The following ARF4 variants were observed in gnomAD, a reference collection of about 807,000 sequenced individuals.
The protein encoded by ARF4 is ARF GTPase 4, also known as ADP-ribosylation factor 4.
Under a neutral mutation model 24.3 loss-of-function variants are expected in ARF4, and 5 were observed. That is an observed-to-expected ratio of 0.21 (90% CI 0.11 to 0.43). ARF4 has a LOEUF of 0.43. Ranked by LOEUF, ARF4 falls within the 20% of genes least tolerant of loss-of-function variation. The pLI, the probability that ARF4 is intolerant of heterozygous loss-of-function variation, is 1.00. For missense variants in ARF4, 107 were observed against 213.0 expected, an observed-to-expected ratio of 0.50 and a Z score of 3.10; for synonymous variants, 62 against 73.5, an observed-to-expected ratio of 0.84 and a Z score of 0.80.
intron 1 of ARF4, among the ~76,000 whole-genome samples, chr3:57,595,988 C>T (rs926144488): frequency 6.6e-6 from 1 of 151,850 alleles, no homozygotes; most frequent in Non-Finnish European, 1.5e-5. Flanking sequence ...AAAACCTCCT[C>T]CGGTAGAAAA....
In ARF4 at chr3:57,596,666, C is replaced by T. The variant is rs2070188964; in HGVS notation, c.67+408G>A. On this transcript the variant is annotated intron_variant, in intron 1 of 5. Transcript: ENST00000303436. Reference sequence around the variant, plus strand: ...GAAACGCAGAAGGGGAGGGAAAAGGCTGGAGTTGCTCTGCCTCCCTCCTGA... The same window carrying T: ...GAAACGCAGAAGGGGAGGGAAAAGGTTGGAGTTGCTCTGCCTCCCTCCTGA... The T allele has an allele frequency of 3.7e-5, 7 of 190,108 alleles. No individual in the cohort carries two copies. In the South Asian group the frequency reaches 4.7e-4, roughly 13 times the overall value. 11.8% of individuals were successfully genotyped at this position (190,108 alleles called of 1,614,324 possible). A position where few individuals can be genotyped will look rare whatever the true frequency, so the allele number is the denominator to read the frequency against.
intron 1 of ARF4, among the ~76,000 whole-genome samples, chr3:57,596,196 C>A (rs2070180460): frequency 6.6e-6 from 1 of 152,086 alleles, no homozygotes; most frequent in Non-Finnish European, 1.5e-5. Context: ...AAAAAGTCAA[C>A]TTTCTAAAAA....
At chr3:57,596,771 T>C (rs901662552) in intron 1 of ARF4, 4 of 319,212 alleles carry the variant, frequency 1.3e-5, no homozygotes, top group South Asian at 7.4e-5. Context: ...TTCCCAGAGT[T>C]GGCTTTCCCC....
chr3:57,573,555 G>C (rs925863575), intron 5 of ARF4, among the ~76,000 whole-genome samples: 2 of 152,154 alleles, frequency 1.3e-5, no homozygotes, highest in African/African-American at 2.4e-5. Flanking sequence ...ATCATTTACA[G>C]TTAGTGTTGC....
Position 57,597,270 on chromosome 3 carries a change from GA to G in ARF4, c.-131del. 2 of 887,892 alleles carry G rather than the reference GA, an allele frequency of 2.3e-6. No homozygotes were observed. Among genetic ancestry groups the G allele is most frequent in the Non-Finnish European group, 3.5e-6 (2 of 565,590 alleles). 55.0% of individuals were successfully genotyped at this position (887,892 alleles called of 1,614,324 possible). On this transcript the variant is annotated 5_prime_UTR_variant, in exon 1 of 6. Transcript: ENST00000303436. ...GAGCGGAGGAAGAAAGAGGGAGGCA[GA>G]AACGTCTCAGTGGCCCCTGTGCCGA...
chr3:57,575,761 A>C, intron 4 of ARF4, 88 bp from the exon 5 acceptor site: 2 of 1,354,824 alleles, frequency 1.5e-6, no homozygotes, highest in Non-Finnish European at 2.0e-6. Flanking sequence ...CTCAGCATTA[A>C]ATACATTATT....
At position 57,583,946 on chromosome 3, in the gene ARF4, A is replaced by T; in HGVS notation, c.210T>A (p.Gly70=). Residue 70 remains glycine (G), a synonymous_variant, in exon 3 of 6, where the codon GGT becomes GGA. Transcript: ENST00000303436. ...NICFTVWDVG[G]QDRIRPLWKH... ...TCCAGAGAGGCCTAATTCTATCTTG[A>T]CCACCAACATCCCATACTGTGAAAC... 1 of 1,612,620 alleles carries T rather than the reference A, an allele frequency of 6.2e-7. No individual in the cohort carries two copies. The highest frequency in any genetic ancestry group is 8.5e-7 in the Non-Finnish European group (1 of 1,179,052).
At chr3:57,588,515 C>G (rs2070065597) in intron 1 of ARF4, among the ~76,000 whole-genome samples, 1 of 151,576 alleles carries the variant, frequency 6.6e-6, no homozygotes, top group South Asian at 2.1e-4. Flanking sequence ...TGTGACCAGC[C>G]TGGACAACAT....
chr3:57,578,438 C>T (rs1447371665), intron 3 of ARF4, among the ~76,000 whole-genome samples: 1 of 129,468 alleles, frequency 7.7e-6, no homozygotes, highest in Non-Finnish European at 1.8e-5. Flanking sequence ...TCGAGTAAGA[C>T]ATTCTTTAAA....
At chr3:57,594,704 C>T (rs1308706777) in intron 1 of ARF4, among the ~76,000 whole-genome samples, 1 of 152,176 alleles carries the variant, frequency 6.6e-6, no homozygotes, top group Non-Finnish European at 1.5e-5. Context: ...AACACTGACT[C>T]AGGAGGGCAT....
Position 57,597,092 on chromosome 3 carries a change from G to C in ARF4, c.49C>G (p.Gln17Glu). 1 of 1,614,134 alleles carries C rather than the reference G, an allele frequency of 6.2e-7. No homozygotes were observed. The highest frequency in any genetic ancestry group is 8.5e-7 in the Non-Finnish European group (1 of 1,179,982). Residue 17 changes from glutamine (Q) to glutamate (E), a missense_variant, in exon 1 of 6, where the codon CAG becomes GAG. Transcript: ENST00000303436. The stretch of plus-strand genomic sequence containing the variant: ...CACTCACCCATCAAAATGCGCATCT[G>C]CTTCTTGCCAAATAGTCGGGAGAAG... The part of the protein sequence containing the change: ...SLFSRLFGKK[Q>E]MRILMVGLDA...
rs75269486 is a variant in ARF4 at position 57,587,644 on chromosome 3, G to A, written c.68-3180C>T. On this transcript the variant is annotated intron_variant, in intron 1 of 5. Transcript: ENST00000303436. ...TTTCCTGATGTATCTTTTTGAAGAC[G>A]ACTGCTTGAGGGCTTTAAATATATA... 5.3e-5 allele frequency among the ~76,000 whole-genome samples: 8 copies of A among 151,780 alleles called. No individual in the cohort carries two copies. In the East Asian group the frequency reaches 9.7e-4, roughly 18 times the overall value.
intron 1 of ARF4, among the ~76,000 whole-genome samples, chr3:57,594,455 C>A (rs1475296853): frequency 6.6e-6 from 1 of 152,140 alleles, no homozygotes; most frequent in Non-Finnish European, 1.5e-5. Context: ...ACCCTTATAA[C>A]TAGTACATAA....
intron 5 of ARF4, among the ~76,000 whole-genome samples, chr3:57,573,665 C>G (rs142497507): frequency 1.1e-3 from 172 of 152,088 alleles, no homozygotes; most frequent in African/African-American, 3.9e-3. Flanking sequence ...ACTACAACCT[C>G]CGCCTCACAG....
At chr3:57,573,291 T>C (rs887336358) in intron 5 of ARF4, among the ~76,000 whole-genome samples, 3 of 152,168 alleles carry the variant, frequency 2.0e-5, no homozygotes, top group Non-Finnish European at 4.4e-5. Context: ...TTTAGTCTCA[T>C]GCATTCCAAA....
At chr3:57,579,132 A>G (rs142322976) in intron 3 of ARF4, among the ~76,000 whole-genome samples, 3,629 of 151,720 alleles carry the variant, frequency 0.024, 65 homozygotes, top group Non-Finnish European at 0.035. Context: ...TACTAAAAAT[A>G]CAAAAATTAG....
At chr3:57,595,136 G>A (rs2153409586) in intron 1 of ARF4, among the ~76,000 whole-genome samples, 1 of 152,202 alleles carries the variant, frequency 6.6e-6, no homozygotes, top group East Asian at 1.9e-4. Context: ...TTGGGGTGGA[G>A]GGAAATGCCT....
chr3:57,587,320 A>C (rs1202270234), intron 1 of ARF4, among the ~76,000 whole-genome samples: 2 of 122,726 alleles, frequency 1.6e-5, no homozygotes, highest in African/African-American at 3.4e-5. Context: ...ACTCAGTCTC[A>C]AAAAAAAAAA....
intron 1 of ARF4, among the ~76,000 whole-genome samples, chr3:57,591,607 C>A (rs1308823427): frequency 6.6e-6 from 1 of 151,952 alleles, no homozygotes; most frequent in Non-Finnish European, 1.5e-5. Context: ...GCTGGGACTA[C>A]AGGTATCTGC....
Sources: allele counts gnomAD v4.1 joint callset (sites outside exome capture counted in the v4.1 genomes callset), GRCh38; gene constraint gnomAD v4.1.1; transcripts MANE v1.5; gene names NCBI Gene and HGNC (gene_info 2026-07-23, HGNC 2026-07-21).